Variants in IRAG2 observed in about 807,000 individuals in gnomAD.
IRAG2 encodes inositol 1,4,5-triphosphate receptor associated 2.
In IRAG2, 45 loss-of-function variants were observed where a neutral mutation model predicts 69.9. The observed-to-expected ratio is 0.64, with a 90% CI of 0.51 to 0.83. The LOEUF is 0.83. Ranked by LOEUF, IRAG2 falls within the 40% of genes least tolerant of loss-of-function variation. The pLI is 0.00. For missense variants in IRAG2, 520 were observed against 587.0 expected (o/e 0.89, Z 1.18); for synonymous variants, 193 against 202.4 (o/e 0.95, Z 0.40).
chr12:25,038,163 T>C, intron 16 of IRAG2: 1 of 398,624 alleles, frequency 2.5e-6, no homozygotes, highest in East Asian at 3.6e-5. Flanking sequence ...ATATAAGAAA[T>C]CCATGCTTTA....
At chr12:25,022,624 G>A (rs1944590226) in intron 7 of IRAG2, among the ~76,000 whole-genome samples, 1 of 152,190 alleles carries the variant, frequency 6.6e-6, no homozygotes, top group Admixed American at 6.5e-5. Context: ...CAGAAAATCT[G>A]TAAGGTAGAA....
chr12:25,062,198 C>G lies in IRAG2; in HGVS notation c.-385+545C>G, dbSNP rs192288594. On this transcript the variant is annotated intron_variant, in intron 2 of 21. Transcript: ENST00000556887. The stretch of plus-strand genomic sequence containing the variant: ...AGAACATAAGGGAACAGCAAGGCAG[C>G]AAGGTTGGCACTGGAGGAAGATGAT... Among the ~76,000 whole-genome samples, 350 of 152,002 alleles carry G rather than the reference C, an allele frequency of 2.3e-3. 1 individual carries two copies. The highest frequency in any genetic ancestry group is 2.4e-3 in the Non-Finnish European group (166 of 68,004).
At chr12:25,051,384 A>T (rs774079921), upstream of IRAG2, among the ~76,000 whole-genome samples, 3 of 152,242 alleles carry the variant, frequency 2.0e-5, no homozygotes, top group Non-Finnish European at 4.4e-5. Flanking sequence ...TTTGAGAGGC[A>T]TGCACAAGGC....
intron 6 of IRAG2, chr12:25,075,594 G>A (rs1229748396): frequency 6.6e-6 from 1 of 151,752 alleles, no homozygotes; most frequent in Non-Finnish European, 1.5e-5. Flanking sequence ...CAGCCCATGG[G>A]AGAATCTGTT....
chr12:25,020,062 G>A (rs1944565766), intron 6 of IRAG2, among the ~76,000 whole-genome samples: 1 of 152,194 alleles, frequency 6.6e-6, no homozygotes, highest in Admixed American at 6.5e-5. Flanking sequence ...GACAGGTTCA[G>A]CACTCAATTA....
At chr12:25,054,461 T>C (rs534591661) in intron 1 of IRAG2, among the ~76,000 whole-genome samples, 50 of 152,238 alleles carry the variant, frequency 3.3e-4, no homozygotes, top group Non-Finnish European at 6.3e-4. Flanking sequence ...TGTGATTTTC[T>C]TGCAGTATTT....
upstream of IRAG2, among the ~76,000 whole-genome samples, chr12:25,051,601 A>G (rs2139877710): frequency 6.6e-6 from 1 of 152,352 alleles, no homozygotes; most frequent in South Asian, 2.1e-4. Flanking sequence ...AATGAGGTGT[A>G]ACGTAATGGC....
At chr12:25,050,985 G>A (rs930668829), upstream of IRAG2, among the ~76,000 whole-genome samples, 2 of 152,176 alleles carry the variant, frequency 1.3e-5, no homozygotes, top group Non-Finnish European at 2.9e-5. Context: ...GGGAAATGAG[G>A]AGTTGCTACT....
intron 20 of IRAG2, among the ~76,000 whole-genome samples, chr12:25,105,834 C>A (rs986264342): frequency 6.6e-6 from 1 of 151,992 alleles, no homozygotes; most frequent in Non-Finnish European, 1.5e-5. Context: ...ATATTTATTT[C>A]CCATAGATGT....
intron 5 of IRAG2, among the ~76,000 whole-genome samples, chr12:25,016,778 G>T (rs1179893842): frequency 2.0e-5 from 3 of 151,214 alleles, no homozygotes; most frequent in Non-Finnish European, 4.4e-5. Flanking sequence ...AGAATATTGT[G>T]TCCATTTATT....
At chr12:25,040,342 T>TA (rs1185259065) in intron 16 of IRAG2, among the ~76,000 whole-genome samples, 2 of 151,936 alleles carry the variant, frequency 1.3e-5, no homozygotes, top group Non-Finnish European at 1.5e-5. Context: ...ACCCTGTCTC[T>TA]AAAAAAAATT....
intron 5 of IRAG2, among the ~76,000 whole-genome samples, chr12:25,015,742 C>T (rs1192313038): frequency 1.3e-5 from 2 of 152,212 alleles, no homozygotes; most frequent in Non-Finnish European, 2.9e-5. Flanking sequence ...ATTGACCTTA[C>T]ACTCTTTTGG....
intron 10 of IRAG2, among the ~76,000 whole-genome samples, chr12:25,084,933 A>G (rs150259990): frequency 7.0e-4 from 106 of 152,360 alleles, no homozygotes; most frequent in African/African-American, 2.5e-3. Flanking sequence ...GACATGCAGC[A>G]GTGGTGTGTC....
chr12:25,081,804 A>G (rs1592040623), intron 9 of IRAG2, among the ~76,000 whole-genome samples: 1 of 152,216 alleles, frequency 6.6e-6, no homozygotes, highest in South Asian at 2.1e-4. Flanking sequence ...TTTTCTTACA[A>G]TAACATAAAA....
intron 4 of IRAG2, among the ~76,000 whole-genome samples, chr12:25,065,881 G>A (rs1469105596): frequency 6.6e-6 from 1 of 152,198 alleles, no homozygotes; most frequent in East Asian, 1.9e-4. Flanking sequence ...TGTTGCCCAG[G>A]CTGGTCTCAA....
At chr12:25,086,552 T>C (rs894894886) in intron 10 of IRAG2, among the ~76,000 whole-genome samples, 1 of 152,174 alleles carries the variant, frequency 6.6e-6, no homozygotes, top group Non-Finnish European at 1.5e-5. Context: ...AGTGTGTGGA[T>C]GAGATTTCCC....
chr12:25,023,004 T>A (rs1227350298), intron 7 of IRAG2, among the ~76,000 whole-genome samples: 1 of 151,910 alleles, frequency 6.6e-6, no homozygotes, highest in African/African-American at 2.4e-5. Context: ...CAAGTGCCTG[T>A]AAGTCTGGCT....
At chr12:25,018,801 G>A (rs543257480) in intron 6 of IRAG2, among the ~76,000 whole-genome samples, 1 of 152,212 alleles carries the variant, frequency 6.6e-6, no homozygotes, top group Non-Finnish European at 1.5e-5. Context: ...AGAAAGGCTG[G>A]AGAATCCAGA....
chr12:25,006,251 A>G (rs1359646527), intron 2 of IRAG2: 1 of 152,002 alleles, frequency 6.6e-6, no homozygotes, highest in Non-Finnish European at 1.5e-5. Context: ...GGTTATCGAG[A>G]AAAGAGAACA....
Sources: allele counts gnomAD v4.1 joint callset (sites outside exome capture counted in the v4.1 genomes callset), GRCh38; gene constraint gnomAD v4.1.1; transcripts MANE v1.5; gene names NCBI Gene and HGNC (gene_info 2026-07-23, HGNC 2026-07-21).